Variants in EDDM3A observed in about 807,000 individuals in gnomAD.
EDDM3A encodes the protein epididymal protein 3A, also known as epididymal secretory protein E3-alpha.
For synonymous variants in EDDM3A, 75 were observed against 60.4 expected (o/e 1.24, Z -1.12); for missense variants, 199 against 177.4 (o/e 1.12, Z -0.69).
Position 20,747,749 on chromosome 14 carries a change from A to G in EDDM3A, c.169A>G (p.Lys57Glu), listed in dbSNP as rs1566349913. The G allele has an allele frequency of 1.2e-6, 2 of 1,614,208 alleles. No individual in the cohort carries two copies. The highest frequency in any genetic ancestry group is 1.7e-6 in the Non-Finnish European group (2 of 1,180,030). ...CAAATGTGATGTCCTCATGAGAGAA[A>G]AAGAGGCTCTGAAAGGCAAGAGCTT... is the stretch of plus-strand genomic sequence containing the variant. ...EYKCDVLMRE[K>E]EALKGKSFHM... The change falls in exon 2 of 2, where the codon AAA (lysine) becomes GAA (glutamate). Residue 57 changes from lysine to glutamate, a missense_variant. Coordinates refer to ENST00000326842, the MANE Select transcript of EDDM3A (RefSeq NM_006683.5).
upstream of EDDM3A, among the ~76,000 whole-genome samples, chr14:20,744,795 A>C (rs1216066767): frequency 6.6e-6 from 1 of 151,606 alleles, no homozygotes; most frequent in Non-Finnish European, 1.5e-5. Flanking sequence ...CAAACAGCTA[A>C]AGGTTATAAT....
At chr14:20,745,257 C>T (rs1877548694), upstream of EDDM3A, among the ~76,000 whole-genome samples, 3 of 146,270 alleles carry the variant, frequency 2.1e-5, no homozygotes, top group South Asian at 6.5e-4. Flanking sequence ...CCAGGCACAG[C>T]GAGTCACACC....
At chr14:20,746,523 C>CG (rs1463377883) in intron 1 of EDDM3A, among the ~76,000 whole-genome samples, 8 of 152,162 alleles carry the variant, frequency 5.3e-5, no homozygotes, top group Non-Finnish European at 8.8e-5. Context: ...AGTAGCTCTG[C>CG]GGGGGACTGT....
chr14:20,741,263 T>C (rs1877427270), upstream of EDDM3A, among the ~76,000 whole-genome samples: 2 of 152,210 alleles, frequency 1.3e-5, no homozygotes, highest in Non-Finnish European at 1.5e-5. Flanking sequence ...ACACTGATAT[T>C]GGTCCGAAGG....
upstream of EDDM3A, among the ~76,000 whole-genome samples, chr14:20,745,696 T>G (rs1877563549): frequency 6.6e-6 from 1 of 152,170 alleles, no homozygotes; most frequent in African/African-American, 2.4e-5. Context: ...CTTGCAATCA[T>G]TTTGTACCCA....
At position 20,747,936 on chromosome 14, in the gene EDDM3A, G is replaced by T; in HGVS notation, c.356G>T (p.Ser119Ile). 6.2e-7 allele frequency: 1 copy of T among 1,614,152 alleles called. No homozygotes were observed. Among genetic ancestry groups the T allele is most frequent in the Non-Finnish European group, 8.5e-7 (1 of 1,180,024 alleles). ...KYNNRYTESR[S>I]FSYIEFHCGV... The stretch of plus-strand genomic sequence containing the variant: ...AACAATAGGTACACAGAGAGCAGAA[G>T]CTTCAGCTACATTGAATTCCATTGT... Residue 119 changes from serine (S) to isoleucine (I), a missense_variant, in exon 2 of 2, where the codon AGC (serine) becomes ATC (isoleucine). Ser to Ile is a moderately radical substitution (Grantham distance 142). Transcript: ENST00000326842.
chr14:20,745,834 C>T (rs1223686860), upstream of EDDM3A: 2 of 152,458 alleles, frequency 1.3e-5, no homozygotes, highest in Non-Finnish European at 2.9e-5. Flanking sequence ...ACCTCGGCTA[C>T]CAATCAGCTG....
At chr14:20,747,216 G>T (rs2139082494) in intron 1 of EDDM3A, among the ~76,000 whole-genome samples, 1 of 149,756 alleles carries the variant, frequency 6.7e-6, no homozygotes, top group East Asian at 2.0e-4. Context: ...CGATTCTCCT[G>T]CCTCAGCCTC....
At chr14:20,738,336 C>T in the EDDM3A span, among the ~76,000 whole-genome samples, 121 of 151,922 alleles carry the variant, frequency 8.0e-4, 2 homozygotes, top group Non-Finnish European at 1.2e-3. Context: ...CCGGGCGTGG[C>T]GACATGTGTC....
intron 1 of EDDM3A, among the ~76,000 whole-genome samples, chr14:20,747,129 G>A (rs1489943150): frequency 3.8e-5 from 5 of 132,530 alleles, no homozygotes; most frequent in Admixed American, 3.3e-4. Context: ...TTGAGACGGA[G>A]TTTTGCTTTT....
the EDDM3A span, among the ~76,000 whole-genome samples, chr14:20,736,096 C>T: frequency 7.0e-6 from 1 of 142,334 alleles, no homozygotes; most frequent in Admixed American, 7.0e-5. Flanking sequence ...GTGACTCAGG[C>T]CCCATCATCA....
chr14:20,739,983 C>T, the EDDM3A span, among the ~76,000 whole-genome samples: 1 of 152,082 alleles, frequency 6.6e-6, no homozygotes, highest in Non-Finnish European at 1.5e-5. Context: ...GTCTGAAGAC[C>T]CCCACCATGC....
Position 20,747,853 on chromosome 14 carries a change from T to C in EDDM3A, c.273T>C (p.Asn91=). 1 of 1,614,124 alleles carries C rather than the reference T, an allele frequency of 6.2e-7. No homozygotes were observed. Among genetic ancestry groups the C allele is most frequent in the Non-Finnish European group, 8.5e-7 (1 of 1,180,026 alleles). ...INEKGSDRYR[N]AYVWAPGALK... ...AGAAGGGGAGCGACCGATATAGAAA[T>C]GCATATGTATGGGCCCCAGGTGCCC... Residue 91 remains asparagine, a synonymous_variant, in exon 2 of 2, where the codon AAT becomes AAC. Coordinates refer to ENST00000326842, the MANE Select transcript of EDDM3A (RefSeq NM_006683.5).
At chr14:20,739,346 C>T in the EDDM3A span, among the ~76,000 whole-genome samples, 1 of 152,166 alleles carries the variant, frequency 6.6e-6, no homozygotes, top group African/African-American at 2.4e-5. Context: ...AATATCAGAG[C>T]TTTATAAGCT....
At chr14:20,742,289 G>A (rs938370321), upstream of EDDM3A, among the ~76,000 whole-genome samples, 2 of 152,206 alleles carry the variant, frequency 1.3e-5, no homozygotes, top group African/African-American at 4.8e-5. Flanking sequence ...GAACCACACT[G>A]CTGAGTCTTA....
At chr14:20,747,062 C>G (rs1401465015) in intron 1 of EDDM3A, among the ~76,000 whole-genome samples, 1 of 150,716 alleles carries the variant, frequency 6.6e-6, no homozygotes, top group Admixed American at 6.6e-5. Context: ...TGTTAGCTCT[C>G]ACAGGCTAAA....
the EDDM3A span, among the ~76,000 whole-genome samples, chr14:20,740,127 G>A: frequency 6.6e-6 from 1 of 152,212 alleles, no homozygotes; most frequent in Non-Finnish European, 1.5e-5. Context: ...ACCTCTTGGA[G>A]AGGTGGATTT....
At chr14:20,745,381 C>T (rs1339370028), upstream of EDDM3A, among the ~76,000 whole-genome samples, 1 of 152,082 alleles carries the variant, frequency 6.6e-6, no homozygotes, top group East Asian at 1.9e-4. Flanking sequence ...AAAAAATTAG[C>T]TGGGCGTGGT....
At chr14:20,743,624 T>G (rs1877502028), upstream of EDDM3A, among the ~76,000 whole-genome samples, 1 of 152,096 alleles carries the variant, frequency 6.6e-6, no homozygotes, top group Non-Finnish European at 1.5e-5. Context: ...TGAACATAAT[T>G]TTCAAGTGAT....
Sources: gnomAD v4.1 joint callset for allele counts (sites outside exome capture counted in the v4.1 genomes callset) on GRCh38, gnomAD v4.1.1 for gene constraint, MANE v1.5 for transcripts, NCBI Gene and HGNC (gene_info 2026-07-23, HGNC 2026-07-21) for gene names.